ZNF573: variants seen among roughly 807,000 people sequenced by gnomAD.
ZNF573 encodes zinc finger protein 573.
A neutral mutation model predicts 57.4 loss-of-function variants in ZNF573; 41 were observed. The ratio of observed to expected loss-of-function variants is 0.71; its 90% CI spans 0.56 to 0.93. The LOEUF is 0.93. Ranked by LOEUF, ZNF573 falls within the 40% of genes least tolerant of loss-of-function variation. The pLI, the probability that ZNF573 is intolerant of heterozygous loss-of-function variation, is 0.00. For missense variants in ZNF573, 730 were observed against 794.8 expected, an observed-to-expected ratio of 0.92 and a Z score of 0.98; for synonymous variants, 249 against 261.0, an observed-to-expected ratio of 0.95 and a Z score of 0.44.
At chr19:37,741,180 G>T (rs1427113314) in intron 4 of ZNF573, among the ~76,000 whole-genome samples, 1 of 152,138 alleles carries the variant, frequency 6.6e-6, no homozygotes, top group East Asian at 1.9e-4. Flanking sequence ...CAGAGTAAAT[G>T]TTCTTTCTTT....
chr19:37,751,724 A>G (rs1027673405), intron 4 of ZNF573, among the ~76,000 whole-genome samples: 2 of 135,948 alleles, frequency 1.5e-5, no homozygotes, highest in African/African-American at 5.5e-5. Context: ...ATAGTACCGT[A>G]TATATACTGT....
chr19:37,757,640 C>G (rs1349885567), intron 4 of ZNF573, among the ~76,000 whole-genome samples: 1 of 152,138 alleles, frequency 6.6e-6, no homozygotes, highest in Non-Finnish European at 1.5e-5. Context: ...GTGGCGATTC[C>G]TCAGGGATCT....
intron 2 of ZNF573, chr19:37,772,917 G>A: frequency 1.0e-6 from 1 of 984,498 alleles, no homozygotes; most frequent in African/African-American, 1.7e-5. Context: ...TTACAGGTAT[G>A]AGCCACCGTA....
chr19:37,744,778 AAAAG>A (rs1458849652), intron 4 of ZNF573, among the ~76,000 whole-genome samples: 1 of 151,624 alleles, frequency 6.6e-6, no homozygotes, highest in Non-Finnish European at 1.5e-5. Context: ...AGAAAAAAGA[AAAAG>A]AAAACACTTT....
intron 4 of ZNF573, among the ~76,000 whole-genome samples, chr19:37,754,656 A>G (rs1685228121): frequency 6.6e-6 from 1 of 151,632 alleles, no homozygotes; most frequent in Admixed American, 6.6e-5. Context: ...CCATTTCTAG[A>G]TTTCATTTAA....
intron 4 of ZNF573, among the ~76,000 whole-genome samples, chr19:37,743,164 A>C (rs2045342839): frequency 6.6e-6 from 1 of 151,954 alleles, no homozygotes; most frequent in South Asian, 2.1e-4. Flanking sequence ...TAAAAGCACA[A>C]AAAAAATTAG....
At chr19:37,771,178 A>G (rs763323571) in intron 3 of ZNF573, among the ~76,000 whole-genome samples, 33 of 151,768 alleles carry the variant, frequency 2.2e-4, no homozygotes, top group Non-Finnish European at 4.3e-4. Context: ...TTGTCCCTGC[A>G]GGTGGATCAG....
At chr19:37,773,992 G>A (rs1401271241) in intron 1 of ZNF573, among the ~76,000 whole-genome samples, 2 of 152,094 alleles carry the variant, frequency 1.3e-5, no homozygotes, top group African/African-American at 4.8e-5. Context: ...GAGGTTTTCT[G>A]GACAAGGCTC....
chr19:37,761,383 A>G (rs2145312376), intron 4 of ZNF573, among the ~76,000 whole-genome samples: 1 of 152,140 alleles, frequency 6.6e-6, no homozygotes, highest in South Asian at 2.1e-4. Flanking sequence ...TTTTTCTCGG[A>G]CCTTCTCTTG....
chr19:37,744,317 C>T (rs1369818888), intron 4 of ZNF573, among the ~76,000 whole-genome samples: 2 of 151,834 alleles, frequency 1.3e-5, no homozygotes, highest in Non-Finnish European at 2.9e-5. Flanking sequence ...GCTGAGTGTT[C>T]CTGCTCATGG....
chr19:37,763,408 T>G (rs1479109740), intron 4 of ZNF573, among the ~76,000 whole-genome samples: 1 of 150,722 alleles, frequency 6.6e-6, no homozygotes, highest in Non-Finnish European at 1.5e-5. Context: ...TTTGTAAAAA[T>G]ACAAAAATTA....
intron 4 of ZNF573, among the ~76,000 whole-genome samples, chr19:37,757,612 A>G (rs186791710): frequency 3.3e-5 from 5 of 152,306 alleles, no homozygotes; most frequent in Non-Finnish European, 7.4e-5. Flanking sequence ...AACTAGTTCA[A>G]CTACTGTGGA....
chr19:37,770,126 T>C (rs1200410096), intron 3 of ZNF573, 29 bp from the exon 4 acceptor site: 2 of 1,486,562 alleles, frequency 1.3e-6, no homozygotes, highest in Non-Finnish European at 1.8e-6. Context: ...CCACATGGTA[T>C]AAAAATAAAA....
intron 4 of ZNF573, among the ~76,000 whole-genome samples, chr19:37,750,086 A>AT (rs558621811): frequency 0.046 from 6,657 of 144,342 alleles, 182 homozygotes; most frequent in East Asian, 0.097. Context: ...TTTTTTTTTA[A>AT]TTTTTTTTTT....
rs533529300 is a variant in ZNF573 at position 37,739,887 on chromosome 19, A to G, written c.603T>C (p.Ser201=). 2.5e-6 allele frequency: 4 copies of G among 1,613,910 alleles called. No homozygotes were observed. In the African/African-American group the frequency reaches 5.3e-5, roughly 22 times the overall value. ...TCTGATGCACAGTCAGCTGATAACC[A>G]CTTCTAAAGTTCTTCCCACATTCTG... ...ECTECGKNFR[S]GYQLTVHQRF... Residue 201 remains serine, a synonymous_variant, in exon 5 of 5, where the codon AGT becomes AGC. Coordinates refer to ENST00000536220, the MANE Select transcript of ZNF573 (RefSeq NM_001172690.2).
intron 4 of ZNF573, chr19:37,758,924 A>G (rs2045524533): frequency 3.6e-6 from 1 of 277,340 alleles, no homozygotes; most frequent in Admixed American, 6.5e-5. Flanking sequence ...ATGAAGATAT[A>G]TCAGGAAGGC....
intron 2 of ZNF573, among the ~76,000 whole-genome samples, chr19:37,772,500 T>C (rs1284806362): frequency 6.6e-6 from 1 of 152,186 alleles, no homozygotes; most frequent in Non-Finnish European, 1.5e-5. Context: ...TCAAGTTACA[T>C]CATTATGTCA....
chr19:37,752,075 G>A (rs1414145032), intron 4 of ZNF573, among the ~76,000 whole-genome samples: 1 of 151,214 alleles, frequency 6.6e-6, no homozygotes, highest in African/African-American at 2.4e-5. Context: ...GACTATGTGT[G>A]TATATATATA....
intron 4 of ZNF573, among the ~76,000 whole-genome samples, chr19:37,769,360 T>C (rs987083873): frequency 2.4e-4 from 36 of 151,998 alleles, no homozygotes; most frequent in Admixed American, 9.2e-4. Flanking sequence ...TACATTGATA[T>C]GTGTGTTGTG....
Sources: allele counts gnomAD v4.1 joint callset (sites outside exome capture counted in the v4.1 genomes callset), GRCh38; gene constraint gnomAD v4.1.1; transcripts MANE v1.5; gene names NCBI Gene and HGNC (gene_info 2026-07-23, HGNC 2026-07-21).